KCNN2: variants seen among roughly 807,000 people sequenced by gnomAD.
KCNN2 encodes the protein potassium calcium-activated channel subfamily N member 2, also known as small conductance calcium-activated potassium channel protein 2.
KCNN2 carries 24 observed loss-of-function variants against 55.5 expected under a neutral mutation model. The ratio of observed to expected loss-of-function variants is 0.43; its 90% CI spans 0.31 to 0.61. The LOEUF (loss-of-function observed/expected upper bound fraction) is 0.61, where lower values mean the gene tolerates loss of function less well. KCNN2 is among the 20% of genes least tolerant of loss of function. The probability of loss-of-function intolerance (pLI) is 0.08; values close to 1 mark genes in which losing one functional copy is unlikely to be tolerated. For missense variants in KCNN2, 754 were observed against 853.6 expected, an observed-to-expected ratio of 0.88 and a Z score of 1.45; for synonymous variants, 431 against 336.1, an observed-to-expected ratio of 1.28 and a Z score of -3.09.
At chr5:114,217,993 T>C (rs1754041509) in intron 1 of KCNN2, among the ~76,000 whole-genome samples, 1 of 152,200 alleles carries the variant, frequency 6.6e-6, no homozygotes, top group Admixed American at 6.5e-5. Context: ...TTTAAAAAGA[T>C]TCTTCATATC....
intron 7 of KCNN2, 81 bp from the exon 8 acceptor site, chr5:114,495,814 A>T: frequency 7.5e-7 from 1 of 1,336,718 alleles, no homozygotes; most frequent in Non-Finnish European, 1.0e-6. Context: ...CCAGCAAGAG[A>T]CCAGAGCTAA....
At chr5:114,393,082 A>G (rs1016509904) in intron 2 of KCNN2, among the ~76,000 whole-genome samples, 2 of 152,110 alleles carry the variant, frequency 1.3e-5, no homozygotes, top group South Asian at 4.1e-4. Context: ...CTGTTGTAGT[A>G]CTTATCACAA....
intron 1 of KCNN2, among the ~76,000 whole-genome samples, chr5:114,220,829 A>C (rs1193209026): frequency 1.3e-5 from 2 of 151,386 alleles, no homozygotes; most frequent in Non-Finnish European, 3.0e-5. Context: ...CCATCTCAAA[A>C]AAAAAAAAAA....
At chr5:114,281,937 GTC>G (rs889684137) in intron 2 of KCNN2, among the ~76,000 whole-genome samples, 24 of 151,734 alleles carry the variant, frequency 1.6e-4, no homozygotes, top group African/African-American at 5.8e-4. Flanking sequence ...TTTCTGGAAA[GTC>G]ACCCATTACT....
chr5:114,189,926 T>G lies in KCNN2; in HGVS notation c.-270-31554T>G, dbSNP rs920760418. On this transcript the variant is annotated intron_variant, in intron 1 of 10. Transcript: ENST00000512097. ...CCTCATAGCACACACCAAAATAAAT[T>G]CCAGATGAATTAAAGATCTCAAAGT... is the stretch of plus-strand genomic sequence containing the variant. 3.3e-5 allele frequency among the ~76,000 whole-genome samples: 5 copies of G among 150,750 alleles called. No homozygotes were observed. The East Asian group carries it at 9.8e-4, about 29-fold the overall frequency.
At chr5:114,294,646 G>A (rs1291187183) in intron 2 of KCNN2, among the ~76,000 whole-genome samples, 23 of 152,144 alleles carry the variant, frequency 1.5e-4, no homozygotes, top group Non-Finnish European at 2.8e-4. Context: ...GTGTGGTGTG[G>A]TGCTGAAAAG....
intron 3 of KCNN2, among the ~76,000 whole-genome samples, chr5:114,429,818 C>CTTTT (rs61595962): frequency 7.3e-4 from 52 of 71,242 alleles, no homozygotes; most frequent in East Asian, 2.3e-3. Flanking sequence ...TATATAGATG[C>CTTTT]TTTTTTTTTT....
intron 2 of KCNN2, among the ~76,000 whole-genome samples, chr5:114,295,562 A>G (rs1237545751): frequency 6.6e-6 from 1 of 152,192 alleles, no homozygotes; most frequent in East Asian, 1.9e-4. Context: ...AAAGCGCAGT[A>G]TTAGGGTGGG....
At chr5:114,108,597 A>G (rs1185492559) in intron 1 of KCNN2, among the ~76,000 whole-genome samples, 2 of 152,076 alleles carry the variant, frequency 1.3e-5, no homozygotes, top group Middle Eastern at 3.2e-3. Context: ...AACTTCAACA[A>G]AAAAGGAATA....
At chr5:114,396,111 C>T (rs374094694) in intron 2 of KCNN2, among the ~76,000 whole-genome samples, 7 of 152,092 alleles carry the variant, frequency 4.6e-5, no homozygotes, top group African/African-American at 1.4e-4. Context: ...CACCACCATC[C>T]GCTGTGTTTC....
intron 1 of KCNN2, among the ~76,000 whole-genome samples, chr5:114,070,623 C>G (rs1222547413): frequency 6.6e-6 from 1 of 152,154 alleles, no homozygotes; most frequent in Non-Finnish European, 1.5e-5. Flanking sequence ...CCAGTGCCCT[C>G]AGTGATTATC....
At chr5:114,269,981 G>GTAAT (rs1580677529) in intron 2 of KCNN2, among the ~76,000 whole-genome samples, 1 of 152,132 alleles carries the variant, frequency 6.6e-6, no homozygotes, top group Non-Finnish European at 1.5e-5. Context: ...CCCTTTCTGG[G>GTAAT]TAATTATAAG....
At chr5:114,126,720 C>T (rs1208187790) in intron 1 of KCNN2, among the ~76,000 whole-genome samples, 2 of 152,144 alleles carry the variant, frequency 1.3e-5, no homozygotes, top group East Asian at 1.9e-4. Flanking sequence ...AAAGCCTTAA[C>T]TCATTAAGGA....
chr5:114,158,064 A>G (rs1752677981), intron 1 of KCNN2, among the ~76,000 whole-genome samples: 4 of 152,190 alleles, frequency 2.6e-5, no homozygotes, highest in Admixed American at 2.0e-4. Flanking sequence ...TGTTTTAGAC[A>G]TGAAGTCCTT....
chr5:114,111,570 G>A (rs961814949), intron 1 of KCNN2, among the ~76,000 whole-genome samples: 7 of 152,100 alleles, frequency 4.6e-5, no homozygotes, highest in Admixed American at 1.3e-4. Flanking sequence ...GAAAATTTTT[G>A]CAATCTATCC....
chr5:114,111,561 A>G (rs1751598194), intron 1 of KCNN2, among the ~76,000 whole-genome samples: 1 of 152,190 alleles, frequency 6.6e-6, no homozygotes, highest in South Asian at 2.1e-4. Context: ...AGAATTGGAG[A>G]AAATTTTTGC....
At chr5:114,082,120 G>C (rs186170792) in intron 1 of KCNN2, among the ~76,000 whole-genome samples, 295 of 152,132 alleles carry the variant, frequency 1.9e-3, no homozygotes, top group Non-Finnish European at 3.0e-3. Context: ...AGGCCAAGGC[G>C]GGAGGATCAC....
intron 1 of KCNN2, among the ~76,000 whole-genome samples, chr5:114,138,156 C>T (rs1051635152): frequency 6.6e-6 from 1 of 152,100 alleles, no homozygotes; most frequent in Admixed American, 6.5e-5. Flanking sequence ...AAACCCACAA[C>T]ACATTGACAG....
chr5:114,387,790 A>G lies in KCNN2; in HGVS notation c.1219-16648A>G, dbSNP rs1010867630. On this transcript the variant is annotated intron_variant, in intron 2 of 7. Transcript: ENST00000673685. ...AGACTCAGAGACTAGACTCTCTGAC[A>G]TTTCAGAGATGTTCATTCTCAGAGG... Among the ~76,000 whole-genome samples, 9 of 152,304 alleles carry G rather than the reference A, an allele frequency of 5.9e-5. No individual in the cohort carries two copies. The East Asian group carries it at 1.5e-3, about 26-fold the overall frequency.
Sources: allele counts gnomAD v4.1 joint callset (sites outside exome capture counted in the v4.1 genomes callset), GRCh38; gene constraint gnomAD v4.1.1; transcripts MANE v1.5; gene names NCBI Gene and HGNC (gene_info 2026-07-23, HGNC 2026-07-21).